The following PLCB1 variants were observed in gnomAD, a reference collection of about 807,000 sequenced individuals.
PLCB1 encodes phospholipase C beta 1.
In PLCB1, 46 loss-of-function variants were observed where a neutral mutation model predicts 161.8. The ratio of observed to expected loss-of-function variants is 0.28; its 90% CI spans 0.22 to 0.36. PLCB1 has a LOEUF of 0.36. Ranked by LOEUF, PLCB1 falls within the 10% of genes least tolerant of loss-of-function variation. PLCB1 has a pLI of 1.00. For missense variants in PLCB1, 1,016 were observed against 1,472.5 expected (o/e 0.69, Z 5.07); for synonymous variants, 517 against 503.7 (o/e 1.03, Z -0.35).
chr20:8,795,617 C>T (rs937209523), intron 31 of PLCB1, among the ~76,000 whole-genome samples: 1 of 152,190 alleles, frequency 6.6e-6, no homozygotes, highest in African/African-American at 2.4e-5. Context: ...AAACACTGGC[C>T]AGTCTTCTGA....
At chr20:8,557,743 A>C (rs1986009166) in intron 3 of PLCB1, among the ~76,000 whole-genome samples, 1 of 152,020 alleles carries the variant, frequency 6.6e-6, no homozygotes, top group African/African-American at 2.4e-5. Flanking sequence ...TAGTTTAGAA[A>C]AGTCACTAAA....
intron 12 of PLCB1, among the ~76,000 whole-genome samples, chr20:8,715,447 T>C (rs1266661845): frequency 2.0e-5 from 3 of 152,222 alleles, no homozygotes; most frequent in Non-Finnish European, 2.9e-5. Flanking sequence ...CATTTCATCT[T>C]CTCAGCACCC....
At chr20:8,204,086 T>A (rs1978392608) in intron 2 of PLCB1, among the ~76,000 whole-genome samples, 1 of 152,142 alleles carries the variant, frequency 6.6e-6, no homozygotes, top group Non-Finnish European at 1.5e-5. Flanking sequence ...TTTGGTTTCT[T>A]TCTTCCTAAG....
chr20:8,340,509 G>A (rs980322272), intron 2 of PLCB1, among the ~76,000 whole-genome samples: 17 of 151,878 alleles, frequency 1.1e-4, no homozygotes, highest in African/African-American at 3.1e-4. Flanking sequence ...TGCAAGCTCC[G>A]CCTCCCGGGT....
chr20:8,276,926 T>TCTC (rs1555794655), intron 2 of PLCB1, among the ~76,000 whole-genome samples: 2 of 104,772 alleles, frequency 1.9e-5, no homozygotes, highest in Admixed American at 1.2e-4. Flanking sequence ...GTCTTCTTCT[T>TCTC]TTCTTCTTCT....
At chr20:8,204,579 C>A (rs1307966706) in intron 2 of PLCB1, among the ~76,000 whole-genome samples, 1 of 151,956 alleles carries the variant, frequency 6.6e-6, no homozygotes, top group Non-Finnish European at 1.5e-5. Flanking sequence ...TTCCACCCAA[C>A]CTTGCTCCCA....
At chr20:8,769,102 T>C (rs1348649916) in intron 26 of PLCB1, among the ~76,000 whole-genome samples, 1 of 152,202 alleles carries the variant, frequency 6.6e-6, no homozygotes, top group African/African-American at 2.4e-5. Context: ...ATTTAAATTT[T>C]GTTGCTATCT....
chr20:8,787,933 A>G (rs79302419), intron 27 of PLCB1, among the ~76,000 whole-genome samples: 2,106 of 152,372 alleles, frequency 0.014, 41 homozygotes, highest in African/African-American at 0.049. Context: ...TTATCCTCAA[A>G]GCAATTCAAC....
intron 31 of PLCB1, among the ~76,000 whole-genome samples, chr20:8,826,840 A>G (rs1985730314): frequency 6.6e-6 from 1 of 152,204 alleles, no homozygotes; most frequent in Non-Finnish European, 1.5e-5. Context: ...TTGTTACCAA[A>G]GTCATTTAAA....
intron 3 of PLCB1, among the ~76,000 whole-genome samples, chr20:8,546,531 T>G (rs1985556578): frequency 6.6e-6 from 1 of 152,152 alleles, no homozygotes; most frequent in African/African-American, 2.4e-5. Context: ...ACTCTGATTC[T>G]TTATGGAAAC....
At chr20:8,786,255 G>A (rs1983476247) in intron 27 of PLCB1, among the ~76,000 whole-genome samples, 1 of 152,132 alleles carries the variant, frequency 6.6e-6, no homozygotes, top group South Asian at 2.1e-4. Flanking sequence ...AGACCCCAAG[G>A]AAATGGCCAG....
At chr20:8,781,792 C>G (rs866425281) in intron 27 of PLCB1, among the ~76,000 whole-genome samples, 2 of 152,146 alleles carry the variant, frequency 1.3e-5, no homozygotes, top group Non-Finnish European at 2.9e-5. Flanking sequence ...AGAACTTGTG[C>G]AGGGAAACTC....
intron 1 of PLCB1, among the ~76,000 whole-genome samples, chr20:8,148,121 A>G (rs1351681438): frequency 7.9e-5 from 12 of 152,144 alleles, no homozygotes; most frequent in Non-Finnish European, 1.0e-4. Flanking sequence ...GACCTGAAAA[A>G]GATAAGTTAC....
At chr20:8,522,538 G>T in intron 3 of PLCB1, among the ~76,000 whole-genome samples, 1 of 152,080 alleles carries the variant, frequency 6.6e-6, no homozygotes, top group East Asian at 1.9e-4. Context: ...TGGTCAAGCA[G>T]AATGCAACGC....
chr20:8,370,355 G>C (rs1986867159), intron 2 of PLCB1, among the ~76,000 whole-genome samples: 1 of 152,138 alleles, frequency 6.6e-6, no homozygotes, highest in African/African-American at 2.4e-5. Context: ...CACATGTTCT[G>C]TGGCCTAGCC....
At chr20:8,501,741 T>A (rs1600110460) in intron 3 of PLCB1, among the ~76,000 whole-genome samples, 1 of 152,146 alleles carries the variant, frequency 6.6e-6, no homozygotes, top group African/African-American at 2.4e-5. Flanking sequence ...TCGTGGCTGT[T>A]GATTGTTAGT....
At chr20:8,483,232 C>T (rs1382003118) in intron 3 of PLCB1, among the ~76,000 whole-genome samples, 8 of 152,088 alleles carry the variant, frequency 5.3e-5, no homozygotes, top group African/African-American at 1.4e-4. Context: ...CTGTTTTGTC[C>T]TAACAATGGT....
At position 8,875,534 on chromosome 20, in the gene PLCB1, ATATT is replaced by A. The variant is rs1987751369; in HGVS notation, c.3424-6084_3424-6081del. ...TTTTATATATAAATATAATATATTAATATTTATATTATAAAATACATTGGCCTTA... is the reference window on the plus strand; with the variant it reads ...TTTTATATATAAATATAATATATTAATATATTATAAAATACATTGGCCTTA... On this transcript the variant is annotated intron_variant, in intron 31 of 31. Coordinates refer to ENST00000338037, the MANE Select transcript of PLCB1 (RefSeq NM_015192.4). 2.7e-5 allele frequency among the ~76,000 whole-genome samples: 4 copies of A among 147,908 alleles called. No individual in the cohort carries two copies. In the South Asian group the frequency reaches 8.4e-4, roughly 31 times the overall value.
chr20:8,697,118 A>C lies in PLCB1; in HGVS notation c.1010-508A>C, dbSNP rs531839745. On this transcript the variant is annotated intron_variant, in intron 10 of 31. Coordinates refer to ENST00000338037, the MANE Select transcript of PLCB1 (RefSeq NM_015192.4). ...TTTGTGCCTTTGGCAAACATGTCAG[A>C]GGCAGCTGACTTATATAATAGAACA... is the stretch of plus-strand genomic sequence containing the variant. Among the ~76,000 whole-genome samples the C allele has an allele frequency of 1.9e-3, 286 of 152,288 alleles. 1 individual carries two copies. The highest frequency in any genetic ancestry group is 6.4e-3 in the African/African-American group (268 of 41,566).
Sources: allele counts gnomAD v4.1 joint callset (sites outside exome capture counted in the v4.1 genomes callset), GRCh38; gene constraint gnomAD v4.1.1; transcripts MANE v1.5; gene names NCBI Gene and HGNC (gene_info 2026-07-23, HGNC 2026-07-21).